BMP8A: variants seen among roughly 807,000 people sequenced by gnomAD.
BMP8A encodes BMP-8A.
Under a neutral mutation model 36.8 loss-of-function variants are expected in BMP8A, and 14 were observed. The observed-to-expected ratio is 0.38, with a 90% CI of 0.25 to 0.60. The LOEUF (loss-of-function observed/expected upper bound fraction) is 0.60, where lower values mean the gene tolerates loss of function less well. BMP8A is among the 20% of genes least tolerant of loss of function. The pLI is 0.63. For missense variants in BMP8A, 267 were observed against 551.1 expected, an observed-to-expected ratio of 0.48 and a Z score of 5.16; for synonymous variants, 120 against 237.7, an observed-to-expected ratio of 0.50 and a Z score of 4.55.
intron 1 of BMP8A, among the ~76,000 whole-genome samples, chr1:39,495,987 G>T (rs1166284732): frequency 6.6e-6 from 1 of 150,394 alleles, no homozygotes; most frequent in African/African-American, 2.4e-5. Flanking sequence ...ATGGACAGGG[G>T]TGTTGATGAA....
At chr1:39,516,747 G>A (rs1213642115) in intron 3 of BMP8A, among the ~76,000 whole-genome samples, 3 of 151,898 alleles carry the variant, frequency 2.0e-5, no homozygotes, top group Non-Finnish European at 4.4e-5. Context: ...GCTTTGCTCT[G>A]TGATGTTTAC....
chr1:39,497,486 A>G (rs974390376), intron 1 of BMP8A, among the ~76,000 whole-genome samples: 4 of 152,026 alleles, frequency 2.6e-5, no homozygotes, highest in African/African-American at 9.7e-5. Flanking sequence ...ACTTACCTCC[A>G]TTTTTGCTTG....
chr1:39,524,630 C>A lies in BMP8A; in HGVS notation c.1060-1019C>A, dbSNP rs2124383587. ...GGAGGGAGGTGATGCCGGGGTGAGC[C>A]AGGCCAGCTCCCGTAGGGCCTGGGG... On this transcript the variant is annotated intron_variant, in intron 6 of 6. Transcript: ENST00000331593. This position sits in a 1 kb window ranked among gnomAD's most constrained non-coding sequence, Gnocchi z 4.0. Among the ~76,000 whole-genome samples the A allele has an allele frequency of 6.6e-6, 1 of 152,184 alleles. No homozygotes were observed. The highest frequency in any genetic ancestry group is 6.5e-5 in the Admixed American group (1 of 15,286).
chr1:39,507,511 G>A (rs376052589), intron 1 of BMP8A, among the ~76,000 whole-genome samples: 8 of 152,188 alleles, frequency 5.3e-5, no homozygotes, highest in African/African-American at 1.2e-4. Flanking sequence ...GGTGGTCCAC[G>A]GTAGCAGAAG....
At position 39,525,902 on chromosome 1, in the gene BMP8A, G is replaced by C; in HGVS notation, c.*104G>C. 1 of 1,548,646 alleles carries C rather than the reference G, an allele frequency of 6.5e-7. No individual in the cohort carries two copies. Among genetic ancestry groups the C allele is most frequent in the Non-Finnish European group, 8.7e-7 (1 of 1,145,218 alleles). On this transcript the variant is annotated 3_prime_UTR_variant, in exon 7 of 7. Transcript: ENST00000331593. ...GTCACAGCTCAAGCAGGAGTGTCAG[G>C]GGCCCTCACTCTCGGTGCCTACTTC...
intron 1 of BMP8A, among the ~76,000 whole-genome samples, chr1:39,492,912 T>C (rs1425098734): frequency 1.3e-5 from 2 of 152,138 alleles, no homozygotes; most frequent in Non-Finnish European, 2.9e-5. Context: ...GCACTTAGCA[T>C]GTGGCCTGGT....
intron 1 of BMP8A, among the ~76,000 whole-genome samples, chr1:39,499,675 T>C (rs1351179700): frequency 6.6e-6 from 1 of 152,212 alleles, no homozygotes; most frequent in African/African-American, 2.4e-5. Flanking sequence ...GGTTGCCTTA[T>C]CCGAGGCTGG....
At position 39,525,631 on chromosome 1, in the gene BMP8A, T is replaced by C; in HGVS notation, c.1060-18T>C. 6.2e-7 allele frequency: 1 copy of C among 1,613,096 alleles called. No homozygotes were observed. Among genetic ancestry groups the C allele is most frequent in the Non-Finnish European group, 8.5e-7 (1 of 1,179,916 alleles). ...GCCACTGGCCTCATGCCCCTGCCTGTGCTCCCTTCCTGGCCAGGTGCACCT... is the reference window on the plus strand; with the variant it reads ...GCCACTGGCCTCATGCCCCTGCCTGCGCTCCCTTCCTGGCCAGGTGCACCT... On this transcript the variant is annotated intron_variant, in intron 6 of 6. Transcript: ENST00000331593.
intron 3 of BMP8A, among the ~76,000 whole-genome samples, chr1:39,519,579 G>C (rs1645415770): frequency 6.9e-6 from 1 of 144,928 alleles, no homozygotes; most frequent in Non-Finnish European, 1.5e-5. Context: ...TGTGGCGGAT[G>C]ATGTCACGGG....
At chr1:39,523,611 T>G in intron 6 of BMP8A, 1 of 1,435,860 alleles carries the variant, frequency 7.0e-7, no homozygotes, top group Non-Finnish European at 9.1e-7. Flanking sequence ...GCTCTCAACC[T>G]TTTGGCTTTT....
chr1:39,517,567 C>T (rs996915957), intron 3 of BMP8A, among the ~76,000 whole-genome samples: 1 of 152,196 alleles, frequency 6.6e-6, no homozygotes, highest in African/African-American at 2.4e-5. Context: ...TCAGGTGATC[C>T]ACCTGCCTTG....
intron 1 of BMP8A, among the ~76,000 whole-genome samples, chr1:39,497,422 G>A (rs1022926310): frequency 1.3e-5 from 2 of 152,166 alleles, no homozygotes; most frequent in Non-Finnish European, 2.9e-5. Context: ...GGGGCTGATC[G>A]ATTGTGCCCC....
chr1:39,509,713 C>G (rs1288166477), intron 1 of BMP8A, among the ~76,000 whole-genome samples: 1 of 152,210 alleles, frequency 6.6e-6, no homozygotes, highest in Admixed American at 6.5e-5. Context: ...GCCCGCACAG[C>G]CTGGTGCTTT....
intron 1 of BMP8A, among the ~76,000 whole-genome samples, chr1:39,492,633 C>G (rs1346811184): frequency 6.6e-6 from 1 of 152,206 alleles, no homozygotes; most frequent in Non-Finnish European, 1.5e-5. Flanking sequence ...CCCGGGAAGA[C>G]AGCCTGGTCC....
intron 1 of BMP8A, among the ~76,000 whole-genome samples, chr1:39,497,253 G>A (rs1356177855): frequency 1.3e-5 from 2 of 152,084 alleles, no homozygotes; most frequent in Non-Finnish European, 2.9e-5. Flanking sequence ...TTTTAATCTT[G>A]CGTGTGCCAT....
At chr1:39,504,260 C>T (rs541036595) in intron 1 of BMP8A, among the ~76,000 whole-genome samples, 1 of 151,920 alleles carries the variant, frequency 6.6e-6, no homozygotes, top group Non-Finnish European at 1.5e-5. Flanking sequence ...GGGACCGGCA[C>T]TCAGCATATG....
chr1:39,524,830 G>A lies in BMP8A; in HGVS notation c.1060-819G>A, dbSNP rs1214018415. ...GCAGGGGATGAGTGAGGGCTGCTGTGGTCACCTGGCAGGTGATGGCAGCTC... is the reference window on the plus strand; with the variant it reads ...GCAGGGGATGAGTGAGGGCTGCTGTAGTCACCTGGCAGGTGATGGCAGCTC... On this transcript the variant is annotated intron_variant, in intron 6 of 6. Transcript: ENST00000331593. The surrounding 1 kb of genome is among the most constrained non-coding windows in gnomAD (Gnocchi z 4.0). 6.6e-6 allele frequency: 1 copy of A among 152,508 alleles called. No individual in the cohort carries two copies. The highest frequency in any genetic ancestry group is 1.5e-5 in the Non-Finnish European group (1 of 68,252). The allele number at this position is 152,508 out of a possible 1,614,324, so 9.4% of individuals were successfully genotyped here.
intron 3 of BMP8A, among the ~76,000 whole-genome samples, chr1:39,517,426 A>T (rs1215061830): frequency 6.6e-6 from 1 of 151,538 alleles, no homozygotes; most frequent in African/African-American, 2.4e-5. Context: ...AGCAATTCTC[A>T]TGTCTCAGCC....
intron 1 of BMP8A, among the ~76,000 whole-genome samples, chr1:39,501,158 T>C (rs1312436860): frequency 6.6e-6 from 1 of 152,090 alleles, no homozygotes; most frequent in Admixed American, 6.5e-5. Context: ...AACTAATCCA[T>C]TCCCCTGAGA....
Sources: allele counts gnomAD v4.1 joint callset (sites outside exome capture counted in the v4.1 genomes callset), GRCh38; gene constraint gnomAD v4.1.1; non-coding constraint Gnocchi (gnomAD v3.1); transcripts MANE v1.5; gene names NCBI Gene and HGNC (gene_info 2026-07-23, HGNC 2026-07-21).